The following ATAD2 variants were observed in gnomAD, a reference collection of about 807,000 sequenced individuals.
ATAD2 encodes ATPase family AAA domain-containing protein 2.
Under a neutral mutation model 168.9 loss-of-function variants are expected in ATAD2, and 62 were observed. The ratio of observed to expected loss-of-function variants is 0.37; its 90% CI spans 0.30 to 0.45. The LOEUF (loss-of-function observed/expected upper bound fraction) is 0.45, where lower values mean the gene tolerates loss of function less well. Among genes scored for constraint, ATAD2 ranks in the 20% least tolerant of loss-of-function variants. ATAD2 has a pLI of 1.00. For synonymous variants in ATAD2, 613 were observed against 571.6 expected (o/e 1.07, Z -1.03); for missense variants, 1,419 against 1,667.8 (o/e 0.85, Z 2.60).
chr8:123,372,901 T>A (rs1459428243), intron 2 of ATAD2, among the ~76,000 whole-genome samples: 5 of 151,234 alleles, frequency 3.3e-5, no homozygotes, highest in African/African-American at 1.2e-4. Context: ...ACTTTTTTTT[T>A]TTTTTTTTTG....
intron 10 of ATAD2, 34 bp from the exon 11 acceptor site, chr8:123,359,370 T>G: frequency 6.7e-7 from 1 of 1,498,856 alleles, no homozygotes; most frequent in South Asian, 1.2e-5. Flanking sequence ...CATTTTTAGA[T>G]TTGGAGTCCA....
chr8:123,323,257 G>A (rs1255448809), intron 26 of ATAD2, among the ~76,000 whole-genome samples, 191 bp from the exon 27 acceptor site: 1 of 152,146 alleles, frequency 6.6e-6, no homozygotes, highest in Non-Finnish European at 1.5e-5. Flanking sequence ...TCCTGGCCTT[G>A]ACCTTGAGTA....
At chr8:123,414,933 G>C (rs780542542) in intron 1 of ATAD2, among the ~76,000 whole-genome samples, 5 of 152,066 alleles carry the variant, frequency 3.3e-5, no homozygotes, top group Admixed American at 6.6e-5. Context: ...TCCATTCATC[G>C]TGCTTTGTTG....
intron 26 of ATAD2, among the ~76,000 whole-genome samples, chr8:123,324,996 G>C (rs752860311): frequency 6.6e-6 from 1 of 151,514 alleles, no homozygotes; most frequent in Non-Finnish European, 1.5e-5. Context: ...GATTACTTGA[G>C]CTCAGGAGTT....
intron 1 of ATAD2, among the ~76,000 whole-genome samples, chr8:123,381,386 A>G (rs1829489249): frequency 6.6e-6 from 1 of 152,108 alleles, no homozygotes; most frequent in South Asian, 2.1e-4. Context: ...CTGTGGTCCC[A>G]GTTACTTGGT....
chr8:123,324,710 AG>A (rs1422608766), intron 26 of ATAD2, among the ~76,000 whole-genome samples: 1 of 152,258 alleles, frequency 6.6e-6, no homozygotes, highest in African/African-American at 2.4e-5. Flanking sequence ...TATAGTGTCA[AG>A]TGTTACAGAT....
At chr8:123,341,451 C>T (rs1362048782) in intron 19 of ATAD2, among the ~76,000 whole-genome samples, 1 of 152,122 alleles carries the variant, frequency 6.6e-6, no homozygotes, top group African/African-American at 2.4e-5. Flanking sequence ...GAATAAGAAG[C>T]CAGTAATACT....
At chr8:123,340,560 A>G (rs1398850380) in intron 19 of ATAD2, among the ~76,000 whole-genome samples, 1 of 152,222 alleles carries the variant, frequency 6.6e-6, no homozygotes, top group East Asian at 1.9e-4. Context: ...GGTGAAGATG[A>G]CCCAAACGTC....
At chr8:123,345,162 G>A (rs979185174) in intron 18 of ATAD2, 93 bp from the exon 19 acceptor site, 1 of 1,206,736 alleles carries the variant, frequency 8.3e-7, no homozygotes, top group Non-Finnish European at 1.1e-6. Flanking sequence ...CCTCCCAGGA[G>A]TAACATATAA....
intron 1 of ATAD2, among the ~76,000 whole-genome samples, chr8:123,395,249 G>T (rs1812769790): frequency 6.6e-6 from 1 of 152,080 alleles, no homozygotes; most frequent in South Asian, 2.1e-4. Context: ...GAGCTTCCCC[G>T]ACTTCTTCAA....
intron 1 of ATAD2, among the ~76,000 whole-genome samples, chr8:123,389,366 G>A (rs867998176): frequency 3.4e-5 from 5 of 147,846 alleles, no homozygotes; most frequent in South Asian, 2.2e-4. Flanking sequence ...TCGGCCGGGC[G>A]TGGTGGCTCA....
chr8:123,339,038 G>GA (rs1048220844), intron 20 of ATAD2, among the ~76,000 whole-genome samples: 1 of 151,942 alleles, frequency 6.6e-6, no homozygotes, highest in African/African-American at 2.4e-5. Flanking sequence ...TGTTTTATGA[G>GA]AAAAAAAATG....
intron 19 of ATAD2, among the ~76,000 whole-genome samples, chr8:123,344,351 T>G (rs893551512): frequency 6.8e-6 from 1 of 147,098 alleles, no homozygotes; most frequent in African/African-American, 2.5e-5. Context: ...ATACTTTTTT[T>G]TTTTTTTTTT....
At chr8:123,411,617 C>G (rs1337688958) in intron 1 of ATAD2, among the ~76,000 whole-genome samples, 1 of 152,170 alleles carries the variant, frequency 6.6e-6, no homozygotes, top group Non-Finnish European at 1.5e-5. Context: ...AATAGCCAAT[C>G]TATTGCCTGA....
At chr8:123,396,479 C>G (rs1428616294), upstream of ATAD2, 4 of 1,102,446 alleles carry the variant, frequency 3.6e-6, no homozygotes, top group African/African-American at 1.6e-5. Context: ...GCGGCCGCAG[C>G]GCGCGCGCCC....
At chr8:123,388,789 C>A (rs1297980663) in intron 1 of ATAD2, among the ~76,000 whole-genome samples, 1 of 152,136 alleles carries the variant, frequency 6.6e-6, no homozygotes, top group Non-Finnish European at 1.5e-5. Flanking sequence ...CTCACCTTGG[C>A]CTCCCAAAGT....
At chr8:123,396,583 C>T (rs536698005), upstream of ATAD2, 2 of 550,214 alleles carry the variant, frequency 3.6e-6, no homozygotes, top group South Asian at 4.8e-5. Context: ...GAGGCCGGGC[C>T]AACGTGGAGA....
chr8:123,377,091 CAAAAAAA>C (rs58655606), intron 2 of ATAD2, among the ~76,000 whole-genome samples: 13 of 27,256 alleles, frequency 4.8e-4, no homozygotes, highest in African/African-American at 2.2e-3. Flanking sequence ...GACTCCGTCT[CAAAAAAA>C]AAAAAAAAAA....
chr8:123,372,174 T>C (rs553718973), intron 3 of ATAD2, among the ~76,000 whole-genome samples: 8 of 152,344 alleles, frequency 5.3e-5, no homozygotes, highest in African/African-American at 1.9e-4. Flanking sequence ...TATAATGGAA[T>C]ACTACTCATC....
Sources: allele counts gnomAD v4.1 joint callset (sites outside exome capture counted in the v4.1 genomes callset), GRCh38; gene constraint gnomAD v4.1.1; transcripts MANE v1.5; gene names NCBI Gene and HGNC (gene_info 2026-07-23, HGNC 2026-07-21).